The following DCC variants were observed in gnomAD, a reference collection of about 807,000 sequenced individuals.
The protein encoded by DCC is DCC netrin 1 receptor.
DCC carries 58 observed loss-of-function variants against 172.5 expected under a neutral mutation model. The ratio of observed to expected loss-of-function variants is 0.34; its 90% CI spans 0.27 to 0.42. The LOEUF (loss-of-function observed/expected upper bound fraction) is 0.42, where lower values mean the gene tolerates loss of function less well. Among genes scored for constraint, DCC ranks in the 10% least tolerant of loss-of-function variants. The probability of loss-of-function intolerance (pLI) is 1.00; values close to 1 mark genes in which losing one functional copy is unlikely to be tolerated. For synonymous variants in DCC, 709 were observed against 644.5 expected, an observed-to-expected ratio of 1.10 and a Z score of -1.52; for missense variants, 1,740 against 1,791.0, an observed-to-expected ratio of 0.97 and a Z score of 0.51.
At chr18:52,529,661 T>C (rs148938579) in intron 1 of DCC, among the ~76,000 whole-genome samples, 185 of 152,330 alleles carry the variant, frequency 1.2e-3, no homozygotes, top group Middle Eastern at 3.4e-3. Flanking sequence ...GTCCATTTCC[T>C]TTTCCTCAGA....
chr18:52,817,099 TTTA>T (rs779785943), intron 2 of DCC, among the ~76,000 whole-genome samples: 5 of 152,190 alleles, frequency 3.3e-5, no homozygotes, highest in African/African-American at 1.2e-4. Flanking sequence ...ATCCAAATTA[TTTA>T]TTGTTGACAA....
chr18:52,818,531 C>A (rs1372827388), intron 2 of DCC, among the ~76,000 whole-genome samples: 1 of 151,678 alleles, frequency 6.6e-6, no homozygotes, highest in Non-Finnish European at 1.5e-5. Context: ...GAATCCTATT[C>A]ATAGTTTTAT....
chr18:53,168,955 T>C (rs1468305393), intron 8 of DCC, among the ~76,000 whole-genome samples: 3 of 152,118 alleles, frequency 2.0e-5, no homozygotes, highest in Admixed American at 2.0e-4. Flanking sequence ...AAAGGGTATC[T>C]TTGTCAATAG....
chr18:53,459,193 T>C (rs2045518725), intron 23 of DCC, 39 bp from the exon 24 acceptor site: 1 of 1,471,744 alleles, frequency 6.8e-7, no homozygotes, highest in Non-Finnish European at 9.5e-7. Flanking sequence ...TGCCATTGAA[T>C]AGAGGTTCTC....
intron 7 of DCC, among the ~76,000 whole-genome samples, chr18:53,095,894 A>G (rs980410855): frequency 2.7e-5 from 4 of 149,560 alleles, no homozygotes; most frequent in African/African-American, 4.9e-5. Context: ...GTCGGTAACT[A>G]TTCCTCAAAG....
chr18:52,947,726 C>T (rs2145540085), intron 5 of DCC, among the ~76,000 whole-genome samples: 1 of 152,268 alleles, frequency 6.6e-6, no homozygotes, highest in East Asian at 1.9e-4. Context: ...CGTTCCATGC[C>T]ATGCATGCTG....
intron 25 of DCC, among the ~76,000 whole-genome samples, chr18:53,472,981 G>A (rs2045716576): frequency 6.6e-6 from 1 of 152,164 alleles, no homozygotes; most frequent in South Asian, 2.1e-4. Context: ...AATATGCACT[G>A]TCCTTCATTT....
intron 27 of DCC, among the ~76,000 whole-genome samples, chr18:53,507,826 C>T (rs979942374): frequency 5.9e-5 from 9 of 151,794 alleles, no homozygotes; most frequent in Admixed American, 1.3e-4. Context: ...ATTCTTTTAC[C>T]CAGCAAGTTT....
intron 15 of DCC, among the ~76,000 whole-genome samples, chr18:53,354,119 C>T (rs558123174): frequency 4.6e-5 from 7 of 152,230 alleles, no homozygotes; most frequent in African/African-American, 9.6e-5. Context: ...TGCATAGTAT[C>T]CCATGGTGTA....
At chr18:52,876,005 G>C (rs17387778) in intron 2 of DCC, among the ~76,000 whole-genome samples, 59,904 of 151,804 alleles carry the variant, frequency 0.39, 12,405 homozygotes, top group Non-Finnish European at 0.47. Context: ...TAAAAGGAAT[G>C]TGTAGTCATC....
chr18:53,169,707 C>A (rs1020968324), intron 8 of DCC, among the ~76,000 whole-genome samples: 1 of 152,068 alleles, frequency 6.6e-6, no homozygotes, highest in Non-Finnish European at 1.5e-5. Flanking sequence ...GGGGTCCCTG[C>A]CGCTTCCACA....
At chr18:52,525,714 A>G (rs71367283) in intron 1 of DCC, among the ~76,000 whole-genome samples, 1 of 152,324 alleles carries the variant, frequency 6.6e-6, no homozygotes, top group East Asian at 1.9e-4. Flanking sequence ...TTAAGTGGAG[A>G]ACAGAAAAAT....
chr18:53,346,973 T>C (rs1028057376), intron 15 of DCC, among the ~76,000 whole-genome samples: 5 of 152,224 alleles, frequency 3.3e-5, no homozygotes, highest in African/African-American at 7.2e-5. Flanking sequence ...TATCTTGCTT[T>C]CTCTTCACAG....
intron 2 of DCC, among the ~76,000 whole-genome samples, chr18:52,836,980 T>G (rs1330190594): frequency 6.6e-6 from 1 of 152,216 alleles, no homozygotes; most frequent in Non-Finnish European, 1.5e-5. Context: ...CCTCAATTCT[T>G]GACTTCTATG....
At chr18:52,454,489 A>T (rs955921012) in intron 1 of DCC, among the ~76,000 whole-genome samples, 1 of 149,406 alleles carries the variant, frequency 6.7e-6, no homozygotes, top group Non-Finnish European at 1.5e-5. Context: ...GCTTTGAACT[A>T]GTTTTTTTTT....
chr18:52,668,328 G>A (rs2144963261), intron 1 of DCC, among the ~76,000 whole-genome samples: 1 of 152,254 alleles, frequency 6.6e-6, no homozygotes, highest in East Asian at 1.9e-4. Flanking sequence ...GGGAGAATAA[G>A]CTAATAAGAT....
intron 2 of DCC, chr18:52,758,720 C>T (rs1293653345): frequency 6.6e-6 from 1 of 151,552 alleles, no homozygotes; most frequent in African/African-American, 2.4e-5. Context: ...ACCACATTGC[C>T]TCAGGTCACT....
At chr18:53,461,247 T>A (rs968049361) in intron 24 of DCC, among the ~76,000 whole-genome samples, 6 of 151,140 alleles carry the variant, frequency 4.0e-5, no homozygotes, top group Non-Finnish European at 8.9e-5. Context: ...TTCACTCTGA[T>A]GGTAGTTTCT....
intron 15 of DCC, among the ~76,000 whole-genome samples, chr18:53,370,168 T>C (rs541997802): frequency 7.2e-5 from 11 of 151,894 alleles, no homozygotes; most frequent in African/African-American, 2.4e-4. Context: ...TCTATTGTGA[T>C]TTAGTCTTGG....
Sources: gnomAD v4.1 joint callset for allele counts (sites outside exome capture counted in the v4.1 genomes callset) on GRCh38, gnomAD v4.1.1 for gene constraint, MANE v1.5 for transcripts, NCBI Gene and HGNC (gene_info 2026-07-23, HGNC 2026-07-21) for gene names.